The following PTPN21 variants were observed in gnomAD, a reference collection of about 807,000 sequenced individuals.
PTPN21 encodes protein tyrosine phosphatase non-receptor type 21, also known as tyrosine-protein phosphatase non-receptor type 21.
In PTPN21, 77 loss-of-function variants were observed where a neutral mutation model predicts 131.8. The observed-to-expected ratio is 0.58, with a 90% CI of 0.49 to 0.71. PTPN21 has a LOEUF of 0.71. Among genes scored for constraint, PTPN21 ranks in the 30% least tolerant of loss-of-function variants. PTPN21 has a pLI of 0.00. For synonymous variants in PTPN21, 715 were observed against 621.3 expected (o/e 1.15, Z -2.24); for missense variants, 1,552 against 1,527.1 (o/e 1.02, Z -0.27).
chr14:88,501,084 AC>A, intron 7 of PTPN21, 196 bp downstream of exon 7: 2 of 656,004 alleles, frequency 3.0e-6, no homozygotes, highest in Non-Finnish European at 5.4e-6. Flanking sequence ...CTATTTCAAG[AC>A]CATTTCAAAG....
In PTPN21 at chr14:88,505,348, A is replaced by C; in HGVS notation, c.472T>G (p.Tyr158Asp). The change falls in exon 5 of 19, where the codon TAT becomes GAT. Residue 158 changes from tyrosine (Y) to aspartate (D), a missense_variant. Coordinates refer to ENST00000556564, the MANE Select transcript of PTPN21 (RefSeq NM_007039.4). ...VQADFGDFDQ[Y>D]ESQDFLQKFA... ...TTCTGAAGAAAGTCCTGGGATTCAT[A>C]CTGATCAAAGTCACCAAAATCCGCT... 1.2e-6 allele frequency: 2 copies of C among 1,609,110 alleles called. No homozygotes were observed. The highest frequency in any genetic ancestry group is 1.1e-5 in the South Asian group (1 of 90,230).
intron 2 of PTPN21, among the ~76,000 whole-genome samples, chr14:88,536,288 T>C (rs1160807800): frequency 6.6e-6 from 1 of 152,222 alleles, no homozygotes; most frequent in Non-Finnish European, 1.5e-5. Context: ...AGTTATTCAA[T>C]GATTTCTTCA....
At chr14:88,539,108 G>C (rs2078668377) in intron 2 of PTPN21, among the ~76,000 whole-genome samples, 1 of 150,858 alleles carries the variant, frequency 6.6e-6, no homozygotes. Flanking sequence ...TTTTGAGATG[G>C]AGTCTCACTC....
intron 9 of PTPN21, 30 bp downstream of exon 9, chr14:88,497,173 A>G (rs2077931123): frequency 1.3e-6 from 2 of 1,534,566 alleles, no homozygotes; most frequent in South Asian, 1.1e-5. Flanking sequence ...TAGGAAAAAC[A>G]TTCCATGCAG....
intron 13 of PTPN21, among the ~76,000 whole-genome samples, chr14:88,476,618 T>A (rs1215931025): frequency 2.0e-5 from 3 of 152,200 alleles, no homozygotes; most frequent in Non-Finnish European, 4.4e-5. Context: ...ACCGTCCTCA[T>A]GATCTGAGGT....
intron 7 of PTPN21, 60 bp downstream of exon 7, chr14:88,501,221 T>G: frequency 7.1e-7 from 1 of 1,415,458 alleles, no homozygotes; most frequent in Non-Finnish European, 1.0e-6. Flanking sequence ...GATTTCCCCA[T>G]GATTTTCTCA....
intron 2 of PTPN21, among the ~76,000 whole-genome samples, chr14:88,530,955 G>A (rs1233141255): frequency 6.6e-6 from 1 of 152,042 alleles, no homozygotes; most frequent in African/African-American, 2.4e-5. Flanking sequence ...GATATTTACA[G>A]AACATTCTAC....
rs35631182 is a variant in PTPN21, at chr14:88,554,382, C to G, written c.-203+269G>C. 8.7e-3 allele frequency among the ~76,000 whole-genome samples: 1,332 copies of G among 152,320 alleles called. 17 individuals carry two copies. Among genetic ancestry groups the G allele is most frequent in the Non-Finnish European group, 0.015 (1,039 of 68,018 alleles). ...ACAAATATGCCTAACACATTTAAAA[C>G]CCTGATCCAGAATTAACCCGCAACA... On this transcript the variant is annotated intron_variant, in intron 1 of 18. Coordinates refer to ENST00000556564, the MANE Select transcript of PTPN21 (RefSeq NM_007039.4).
intron 2 of PTPN21, among the ~76,000 whole-genome samples, chr14:88,527,728 TA>T (rs1300027697): frequency 6.6e-6 from 1 of 152,230 alleles, no homozygotes. Context: ...ACTCTTTGCC[TA>T]GGCCAATGTC....
At chr14:88,545,897 C>T (rs2078770156) in intron 2 of PTPN21, among the ~76,000 whole-genome samples, 2 of 149,204 alleles carry the variant, frequency 1.3e-5, no homozygotes, top group South Asian at 4.2e-4. Flanking sequence ...GAGACTGAGA[C>T]AGGAGAATGG....
At chr14:88,473,853 G>C (rs768698141) in intron 13 of PTPN21, 51 bp from the exon 14 acceptor site, 60 of 1,505,186 alleles carry the variant, frequency 4.0e-5, no homozygotes, top group Middle Eastern at 1.8e-4. Context: ...TACAACCCCT[G>C]TGAAAAGAAG....
chr14:88,513,000 A>C (rs144324857), intron 3 of PTPN21, among the ~76,000 whole-genome samples: 1 of 152,150 alleles, frequency 6.6e-6, no homozygotes, highest in African/African-American at 2.4e-5. Flanking sequence ...TTACCTCTTT[A>C]TATAGTCTAT....
At chr14:88,482,054 A>C (rs930370684) in intron 12 of PTPN21, among the ~76,000 whole-genome samples, 4 of 152,208 alleles carry the variant, frequency 2.6e-5, no homozygotes, top group African/African-American at 9.7e-5. Context: ...GGTGACCTTT[A>C]TTATTACTTC....
chr14:88,523,646 G>A (rs932596436), intron 2 of PTPN21, among the ~76,000 whole-genome samples: 1 of 151,320 alleles, frequency 6.6e-6, no homozygotes, highest in African/African-American at 2.4e-5. Context: ...GAAAGAAGTA[G>A]TAAAACTATC....
In PTPN21 at chr14:88,469,013, G is replaced by C; in HGVS notation, c.3299C>G (p.Pro1100Arg). 1 of 1,614,182 alleles carries C rather than the reference G, an allele frequency of 6.2e-7. No homozygotes were observed. Among genetic ancestry groups the C allele is most frequent in the African/African-American group, 1.3e-5 (1 of 75,042 alleles). ...HTNSTSDPQS[P>R]NPPLLVHCSA... The stretch of plus-strand genomic sequence containing the variant: ...GCAGTGGACCAACAACGGAGGGTTG[G>C]GGCTTTGGGGATCACTTGTGCTATT... Residue 1100 changes from proline to arginine, a missense_variant, in exon 18 of 19, where the codon CCC (proline) becomes CGC (arginine). Around this residue, in one of 4 missense-constraint regions of PTPN21, gnomAD observed 316 missense variants for 378.5 expected, o/e 0.83. Transcript: ENST00000556564. This position sits in a 1 kb window ranked among gnomAD's most constrained non-coding sequence, Gnocchi z 4.3.
intron 2 of PTPN21, among the ~76,000 whole-genome samples, chr14:88,533,873 A>G (rs2078589033): frequency 6.6e-6 from 1 of 152,152 alleles, no homozygotes; most frequent in South Asian, 2.1e-4. Context: ...CCTCTTTCAA[A>G]TAAAAAAAAC....
chr14:88,472,915 G>A (rs117560925), intron 14 of PTPN21, among the ~76,000 whole-genome samples: 3 of 152,148 alleles, frequency 2.0e-5, no homozygotes, highest in Admixed American at 1.3e-4. Context: ...ACAACAACAA[G>A]AGTTAAAAGA....
In PTPN21 at chr14:88,523,021, T is replaced by C. The variant is rs192488687; in HGVS notation, c.181-5760A>G. Among the ~76,000 whole-genome samples the C allele has an allele frequency of 2.1e-3, 316 of 150,222 alleles. 1 individual carries two copies. Among genetic ancestry groups the C allele is most frequent in the African/African-American group, 6.4e-3 (263 of 40,860 alleles). ...ATTAACTTTCCAAAATAATTTAAAATCCATTCAAAAAACAAACAAGGTGGG... is the reference window on the plus strand; with the variant it reads ...ATTAACTTTCCAAAATAATTTAAAACCCATTCAAAAAACAAACAAGGTGGG... On this transcript the variant is annotated intron_variant, in intron 2 of 18. Coordinates refer to ENST00000556564, the MANE Select transcript of PTPN21 (RefSeq NM_007039.4).
At position 88,479,898 on chromosome 14, in the gene PTPN21, C is replaced by A. The variant is rs145218668; in HGVS notation, c.1533G>T (p.Pro511=). 1.3e-6 allele frequency: 2 copies of A among 1,594,650 alleles called. No homozygotes were observed. The highest frequency in any genetic ancestry group is 1.1e-5 in the South Asian group (1 of 89,688). Residue 511 remains proline, a synonymous_variant, in exon 13 of 19, where the codon CCG becomes CCT. Transcript: ENST00000556564. ...QLPSPAAAHC[P]FSLSYSFHSP... ...TGTGGAAGCTGTAGCTCAGGCTGAA[C>A]GGGCAGTGTGCGGCCGCTGGCGAGG...
Sources: allele counts gnomAD v4.1 joint callset (sites outside exome capture counted in the v4.1 genomes callset), GRCh38; gene constraint gnomAD v4.1.1; regional missense constraint gnomAD v4.1.1; non-coding constraint Gnocchi (gnomAD v3.1); transcripts MANE v1.5; gene names NCBI Gene and HGNC (gene_info 2026-07-23, HGNC 2026-07-21).